Variants in DGKE observed in about 807,000 individuals in gnomAD.
The protein encoded by DGKE is DAG kinase epsilon.
In DGKE, 53 loss-of-function variants were observed where a neutral mutation model predicts 70.0. The observed-to-expected ratio is 0.76, with a 90% CI of 0.61 to 0.95. The LOEUF (loss-of-function observed/expected upper bound fraction) is 0.95, where lower values mean the gene tolerates loss of function less well. Ranked by LOEUF, DGKE falls within the 40% of genes least tolerant of loss-of-function variation. The pLI, the probability that DGKE is intolerant of heterozygous loss-of-function variation, is 0.00. For synonymous variants in DGKE, 291 were observed against 257.0 expected (o/e 1.13, Z -1.27); for missense variants, 655 against 706.9 (o/e 0.93, Z 0.83).
rs2144316975 is a variant in DGKE at position 56,867,464 on chromosome 17, A to G, written c.*4673A>G. Reference sequence around the variant, plus strand: ...AAAATACAAAAAAAATTAGCCAGGTACATTGGCACATGCCTTTAATCCCAG... The same window carrying G: ...AAAATACAAAAAAAATTAGCCAGGTGCATTGGCACATGCCTTTAATCCCAG... On this transcript the variant is annotated 3_prime_UTR_variant, in exon 12 of 12. Transcript: ENST00000284061. The G allele has an allele frequency of 6.6e-6, 1 of 152,342 alleles. No homozygotes were observed. The highest frequency in any genetic ancestry group is 2.1e-4 in the South Asian group (1 of 4,830). 9.4% of individuals were successfully genotyped at this position (152,342 alleles called of 1,614,324 possible). A position where few individuals can be genotyped will look rare whatever the true frequency, so the allele number is the denominator to read the frequency against.
rs1461794172 is a variant in DGKE, at chr17:56,848,750, G to C, written c.943G>C (p.Asp315His). 1.2e-6 allele frequency: 2 copies of C among 1,614,014 alleles called. No individual in the cohort carries two copies. The highest frequency in any genetic ancestry group is 2.7e-5 in the African/African-American group (2 of 74,924). ...VAVLPLGTGN[D>H]LSNTLGWGTG... ...AGTTTTGCCTCTGGGAACAGGCAAC[G>C]ATCTATCCAATACATTGGGTTGGGG... is the stretch of plus-strand genomic sequence containing the variant. The change falls in exon 6 of 12, where the codon GAT (aspartate) becomes CAT (histidine). Residue 315 changes from aspartate (D) to histidine (H), a missense_variant. By Grantham distance (81) the Asp-to-His change is moderately conservative. Coordinates refer to ENST00000284061, the MANE Select transcript of DGKE (RefSeq NM_003647.3).
intron 2 of DGKE, among the ~76,000 whole-genome samples, chr17:56,842,302 T>C (rs1025341075): frequency 7.9e-5 from 12 of 152,176 alleles, no homozygotes; most frequent in Non-Finnish European, 1.0e-4. Flanking sequence ...ATGTTTATAT[T>C]CTGGTTTTTA....
In DGKE at chr17:56,848,024, G is replaced by A; in HGVS notation, c.847G>A (p.Val283Ile). 6.2e-7 allele frequency: 1 copy of A among 1,600,772 alleles called. No individual in the cohort carries two copies. The highest frequency in any genetic ancestry group is 8.5e-7 in the Non-Finnish European group (1 of 1,173,134). ...ACTTGTTTGTGGAGGGGATGGGACT[G>A]TAGGGTGGGTCCTGGATGCAGTTGA... is the stretch of plus-strand genomic sequence containing the variant. ...RVLVCGGDGT[V>I]GWVLDAVDDM... Residue 283 changes from valine (V) to isoleucine (I), a missense_variant, in exon 5 of 12, where the codon GTA (valine) becomes ATA (isoleucine). By Grantham distance (29) the Val-to-Ile change is conservative. Transcript: ENST00000284061.
chr17:56,835,509 C>T (rs1387557540), intron 2 of DGKE: 2 of 526,800 alleles, frequency 3.8e-6, no homozygotes, highest in Non-Finnish European at 6.6e-6. Flanking sequence ...TGGCTCCTAA[C>T]GTTAATACAG....
In DGKE at chr17:56,862,347, T is replaced by G. The variant is rs890902182; in HGVS notation, c.1524+96T>G. The G allele has an allele frequency of 1.1e-5, 14 of 1,226,732 alleles. No homozygotes were observed. In the African/African-American group the frequency reaches 1.8e-4, roughly 16 times the overall value. 76.0% of individuals were successfully genotyped at this position (1,226,732 alleles called of 1,614,324 possible). A position where few individuals can be genotyped will look rare whatever the true frequency, so the allele number is the denominator to read the frequency against. On this transcript the variant is annotated intron_variant, in intron 11 of 11. Transcript: ENST00000284061. ...ACATGCTATACTTTTCTTTAAACAG[T>G]GGTTTATGGCTCATGCAGCTGGTCA...
At chr17:56,842,424 G>A (rs1453689697) in intron 2 of DGKE, among the ~76,000 whole-genome samples, 1 of 152,060 alleles carries the variant, frequency 6.6e-6, no homozygotes, top group Non-Finnish European at 1.5e-5. Flanking sequence ...AATTCAGTGG[G>A]TATCCTTTCT....
chr17:56,836,873 C>G (rs973896016), intron 2 of DGKE, among the ~76,000 whole-genome samples: 2 of 152,194 alleles, frequency 1.3e-5, no homozygotes, highest in East Asian at 3.8e-4. Flanking sequence ...ATTTCTGCCC[C>G]TTTGCTCAAA....
In DGKE at chr17:56,863,139, C is replaced by T. The variant is rs1908391594; in HGVS notation, c.*348C>T. On this transcript the variant is annotated 3_prime_UTR_variant, in exon 12 of 12. Transcript: ENST00000284061. ...TTTTGAACCATGCATATGATGGACA[C>T]ACAATGGATGGACACATTATATCTC... 1 of 168,864 alleles carries T rather than the reference C, an allele frequency of 5.9e-6. No homozygotes were observed. The allele number at this position is 168,864 out of a possible 1,614,324, so 10.5% of individuals were successfully genotyped here.
chr17:56,862,492 T>C, intron 11 of DGKE, 120 bp from the exon 12 acceptor site: 1 of 987,546 alleles, frequency 1.0e-6, no homozygotes, highest in Non-Finnish European at 1.4e-6. Flanking sequence ...CATATTCAGA[T>C]TAATATTTTC....
chr17:56,842,881 G>T (rs974241611), intron 2 of DGKE, among the ~76,000 whole-genome samples: 2 of 152,184 alleles, frequency 1.3e-5, no homozygotes, highest in Non-Finnish European at 2.9e-5. Context: ...TACCAGCTCT[G>T]TTCTCTGCTT....
rs143346779 is a variant in DGKE at position 56,861,837 on chromosome 17, T to C, written c.1331T>C (p.Ile444Thr). 2 of 1,613,712 alleles carry C rather than the reference T, an allele frequency of 1.2e-6. No homozygotes were observed. The highest frequency in any genetic ancestry group is 2.7e-5 in the African/African-American group (2 of 74,904). ...ERVALPSLEG[I>T]IVLNIGYWGG... ...GTAGCACTGCCCAGCTTGGAAGGTA[T>C]TATAGTTCTGAACATCGGATACTGG... Residue 444 changes from isoleucine (I) to threonine (T), a missense_variant, in exon 10 of 12, where the codon ATT becomes ACT. By Grantham distance (89) the Ile-to-Thr change is moderately conservative. Coordinates refer to ENST00000284061, the MANE Select transcript of DGKE (RefSeq NM_003647.3).
Position 56,856,530 on chromosome 17 carries a change from T to C in DGKE, c.1117T>C (p.Tyr373His), listed in dbSNP as rs756916762. The change falls in exon 8 of 12, where the codon TAT (tyrosine) becomes CAT (histidine). Residue 373 changes from tyrosine (Y) to histidine (H), a missense_variant. Coordinates refer to ENST00000284061, the MANE Select transcript of DGKE (RefSeq NM_003647.3). ...CTCACAGGAATTCACAATGAACAAC[T>C]ATTTTTCTGTTGGACCTGATGCTCT... is the stretch of plus-strand genomic sequence containing the variant. ...RKPKEFTMNN[Y>H]FSVGPDALMA... 1 of 1,613,474 alleles carries C rather than the reference T, an allele frequency of 6.2e-7. No homozygotes were observed. The highest frequency in any genetic ancestry group is 2.2e-5 in the East Asian group (1 of 44,820).
At chr17:56,858,537 T>C (rs1447596459) in intron 8 of DGKE, 57 bp from the exon 9 acceptor site, 1 of 1,419,586 alleles carries the variant, frequency 7.0e-7, no homozygotes, top group East Asian at 2.3e-5. Flanking sequence ...GTATTTTTTC[T>C]TATTGTTTAC....
intron 1 of DGKE, 45 bp from the exon 2 acceptor site, chr17:56,834,733 G>T: frequency 1.3e-6 from 2 of 1,505,936 alleles, no homozygotes; most frequent in South Asian, 1.3e-5. Flanking sequence ...GGGCGGGGAA[G>T]GGATGGCGAG....
intron 2 of DGKE, 108 bp from the exon 3 acceptor site, chr17:56,843,911 A>G: frequency 9.5e-7 from 1 of 1,049,858 alleles, no homozygotes; most frequent in Non-Finnish European, 1.3e-6. Context: ...TGTTATGGTA[A>G]GTAGTGATAA....
intron 9 of DGKE, among the ~76,000 whole-genome samples, chr17:56,860,629 G>A (rs980501050): frequency 4.6e-5 from 7 of 152,348 alleles, no homozygotes; most frequent in Non-Finnish European, 1.0e-4. Flanking sequence ...ACTGCAATAC[G>A]TAACCTAGGA....
intron 3 of DGKE, among the ~76,000 whole-genome samples, chr17:56,845,228 TA>T (rs1042569076): frequency 3.3e-5 from 5 of 152,040 alleles, no homozygotes; most frequent in Admixed American, 3.3e-4. Flanking sequence ...TACCCCATTT[TA>T]AAAAAAGAAA....
At chr17:56,847,210 G>A in intron 4 of DGKE, 1 of 131,834 alleles carries the variant, frequency 7.6e-6, no homozygotes, top group East Asian at 2.4e-4. Context: ...AGAAATTTGT[G>A]CTAAGTTGCA....
At chr17:56,847,820 A>T (rs1907388781) in intron 4 of DGKE, 102 bp from the exon 5 acceptor site, 5 of 763,600 alleles carry the variant, frequency 6.5e-6, no homozygotes, top group Non-Finnish European at 9.5e-6. Context: ...AGTAGCCAGT[A>T]ATGTTATTTA....
Sources: gnomAD v4.1 joint callset for allele counts (sites outside exome capture counted in the v4.1 genomes callset) on GRCh38, gnomAD v4.1.1 for gene constraint, MANE v1.5 for transcripts, NCBI Gene and HGNC (gene_info 2026-07-23, HGNC 2026-07-21) for gene names.